ATE1: variants seen among roughly 807,000 people sequenced by gnomAD.
The protein encoded by ATE1 is arginyltransferase 1, also known as arginyl-tRNA--protein transferase 1.
ATE1 carries 36 observed loss-of-function variants against 70.5 expected under a neutral mutation model. The ratio of observed to expected loss-of-function variants is 0.51; its 90% CI spans 0.39 to 0.67. The LOEUF is 0.67. ATE1 is among the 30% of genes least tolerant of loss of function. ATE1 has a pLI of 0.00. For missense variants in ATE1, 593 were observed against 629.5 expected (o/e 0.94, Z 0.62); for synonymous variants, 232 against 219.3 (o/e 1.06, Z -0.51).
chr10:121,799,889 CTAT>C (rs976621900), intron 10 of ATE1, among the ~76,000 whole-genome samples: 1 of 152,032 alleles, frequency 6.6e-6, no homozygotes, highest in African/African-American at 2.4e-5. Context: ...AAAGAAAAAC[CTAT>C]TATTTACATT....
chr10:121,845,124 A>T (rs964424909), intron 8 of ATE1, among the ~76,000 whole-genome samples: 5 of 152,218 alleles, frequency 3.3e-5, no homozygotes, highest in African/African-American at 1.2e-4. Flanking sequence ...AATTTTGTGC[A>T]AGTGACTTTA....
At chr10:121,771,935 C>T (rs963386949) in intron 11 of ATE1, among the ~76,000 whole-genome samples, 1 of 152,188 alleles carries the variant, frequency 6.6e-6, no homozygotes, top group Non-Finnish European at 1.5e-5. Flanking sequence ...TTAGTTTCTT[C>T]TTTACTGTAA....
intron 4 of ATE1, among the ~76,000 whole-genome samples, chr10:121,912,356 A>G (rs1951473326): frequency 6.6e-6 from 1 of 152,030 alleles, no homozygotes; most frequent in Non-Finnish European, 1.5e-5. Flanking sequence ...AAACACTACA[A>G]AAGAAAGAGA....
At chr10:121,875,407 C>T (rs940088655) in intron 7 of ATE1, among the ~76,000 whole-genome samples, 12 of 147,572 alleles carry the variant, frequency 8.1e-5, no homozygotes, top group South Asian at 6.5e-4. Flanking sequence ...CAGGTTCAAG[C>T]GATTCTCCCA....
intron 10 of ATE1, among the ~76,000 whole-genome samples, chr10:121,824,950 A>G (rs142678329): frequency 4.4e-4 from 67 of 151,862 alleles, no homozygotes; most frequent in African/African-American, 1.6e-3. Flanking sequence ...CTATGTTTAC[A>G]GTAAAAAAAA....
At chr10:121,824,682 G>A (rs553535926) in intron 10 of ATE1, among the ~76,000 whole-genome samples, 1 of 152,254 alleles carries the variant, frequency 6.6e-6, no homozygotes, top group African/African-American at 2.4e-5. Context: ...CAGACCGCCT[G>A]AAATCACTTT....
chr10:121,752,269 C>A (rs1226645041), intron 11 of ATE1, among the ~76,000 whole-genome samples: 3 of 143,000 alleles, frequency 2.1e-5, no homozygotes, highest in Non-Finnish European at 4.6e-5. Context: ...CTCCCTCTGT[C>A]GCCCAGGCTG....
At chr10:121,894,757 C>T (rs960151538) in intron 7 of ATE1, among the ~76,000 whole-genome samples, 2 of 151,870 alleles carry the variant, frequency 1.3e-5, no homozygotes, top group African/African-American at 2.4e-5. Flanking sequence ...AAAAATTAGC[C>T]GGGCGTGGTG....
intron 7 of ATE1, among the ~76,000 whole-genome samples, chr10:121,878,309 T>C (rs181184039): frequency 5.6e-4 from 85 of 152,176 alleles, no homozygotes; most frequent in African/African-American, 2.0e-3. Context: ...AAGTAAAAAT[T>C]TGGCCAGGCG....
At chr10:121,836,341 G>A (rs749455958) in intron 10 of ATE1, among the ~76,000 whole-genome samples, 2 of 152,162 alleles carry the variant, frequency 1.3e-5, no homozygotes, top group Non-Finnish European at 2.9e-5. Flanking sequence ...TAAAGCAGAC[G>A]TGTTTGTTAT....
chr10:121,795,656 T>C (rs1384934903), intron 10 of ATE1, among the ~76,000 whole-genome samples: 1 of 152,178 alleles, frequency 6.6e-6, no homozygotes, highest in East Asian at 1.9e-4. Context: ...ACAGGCTCAT[T>C]TCAGTGTTTC....
chr10:121,758,590 C>T (rs996437361), intron 11 of ATE1, among the ~76,000 whole-genome samples: 2 of 152,100 alleles, frequency 1.3e-5, no homozygotes, highest in African/African-American at 4.8e-5. Context: ...GAAATATAAC[C>T]ATACGTTATT....
At chr10:121,752,124 C>G (rs56226645) in intron 11 of ATE1, among the ~76,000 whole-genome samples, 138,361 of 149,492 alleles carry the variant, frequency 0.93, 64,379 homozygotes, top group Non-Finnish European at 0.97. Flanking sequence ...ATGAACCCAG[C>G]AGGCAGAGCT....
At chr10:121,819,281 TAAGA>T (rs528520335) in intron 10 of ATE1, among the ~76,000 whole-genome samples, 123 of 152,284 alleles carry the variant, frequency 8.1e-4, no homozygotes, top group Admixed American at 1.4e-3. Flanking sequence ...AAAACAGCTT[TAAGA>T]AATAGCTATA....
rs559865717 is a variant in ATE1, at chr10:121,793,113, T to G, written c.1258-2824A>C. 8.5e-5 allele frequency among the ~76,000 whole-genome samples: 13 copies of G among 152,282 alleles called. 1 individual carries two copies. The South Asian group carries it at 2.7e-3, about 32-fold the overall frequency. On this transcript the variant is annotated intron_variant, in intron 10 of 11. Coordinates refer to ENST00000224652, the MANE Select transcript of ATE1 (RefSeq NM_001001976.3). ...CATTTTTTTAAAAAAGGCAAATCAC[T>G]TAAGCACTTCACCAAAGATATATGA...
At chr10:121,850,626 A>G (rs1023627005) in intron 8 of ATE1, among the ~76,000 whole-genome samples, 2 of 152,144 alleles carry the variant, frequency 1.3e-5, no homozygotes, top group Non-Finnish European at 2.9e-5. Flanking sequence ...AGAATCACTG[A>G]TATCCATTTA....
At chr10:121,825,056 T>A (rs1947952683) in intron 10 of ATE1, among the ~76,000 whole-genome samples, 1 of 151,644 alleles carries the variant, frequency 6.6e-6, no homozygotes. Context: ...GATGTGAAAT[T>A]AATACAGTAA....
intron 1 of ATE1, among the ~76,000 whole-genome samples, chr10:121,925,028 G>A (rs1211484534): frequency 6.6e-6 from 1 of 152,114 alleles, no homozygotes; most frequent in Non-Finnish European, 1.5e-5. Flanking sequence ...GTGCTTATTA[G>A]TTCTCCTGAT....
At chr10:121,900,621 T>C (rs181829355) in intron 6 of ATE1, among the ~76,000 whole-genome samples, 6 of 152,354 alleles carry the variant, frequency 3.9e-5, no homozygotes, top group African/African-American at 1.2e-4. Flanking sequence ...CATTATTTAC[T>C]AGCCACTTAA....
Sources: gnomAD v4.1 joint callset for allele counts (sites outside exome capture counted in the v4.1 genomes callset) on GRCh38, gnomAD v4.1.1 for gene constraint, MANE v1.5 for transcripts, NCBI Gene and HGNC (gene_info 2026-07-23, HGNC 2026-07-21) for gene names.